Variants in CPSF6 observed in about 807,000 individuals in gnomAD.
The protein encoded by CPSF6 is cleavage and polyadenylation specificity factor subunit 6.
A neutral mutation model predicts 56.7 loss-of-function variants in CPSF6; 10 were observed. The ratio of observed to expected loss-of-function variants is 0.18; its 90% CI spans 0.11 to 0.30. The LOEUF (loss-of-function observed/expected upper bound fraction) is 0.30. CPSF6 is among the 10% of genes least tolerant of loss of function. CPSF6 has a pLI of 1.00. For missense variants in CPSF6, 419 were observed against 722.9 expected, an observed-to-expected ratio of 0.58 and a Z score of 4.82; for synonymous variants, 248 against 244.8, an observed-to-expected ratio of 1.01 and a Z score of -0.12.
chr12:69,252,821 G>C (rs1343484176), intron 2 of CPSF6, among the ~76,000 whole-genome samples: 1 of 152,124 alleles, frequency 6.6e-6, no homozygotes, highest in East Asian at 1.9e-4. Flanking sequence ...GTAACCCCAA[G>C]GGTATATACC....
intron 1 of CPSF6, among the ~76,000 whole-genome samples, chr12:69,244,866 T>C (rs182088898): frequency 3.0e-4 from 45 of 152,258 alleles, no homozygotes; most frequent in Admixed American, 1.3e-3. Context: ...ATAACTGCCT[T>C]CTTCTGTAAT....
At chr12:69,257,511 T>TA (rs1872561889) in intron 4 of CPSF6, among the ~76,000 whole-genome samples, 1 of 152,204 alleles carries the variant, frequency 6.6e-6, no homozygotes, top group Middle Eastern at 3.2e-3. Context: ...AACTCACGAT[T>TA]ACCTATGGAA....
chr12:69,249,385 C>T (rs750788349), intron 1 of CPSF6, among the ~76,000 whole-genome samples: 2 of 150,822 alleles, frequency 1.3e-5, no homozygotes, highest in Admixed American at 1.3e-4. Flanking sequence ...TATCTTGTTG[C>T]TCTGTTTACC....
intron 1 of CPSF6, among the ~76,000 whole-genome samples, chr12:69,247,258 A>G (rs1204558634): frequency 6.6e-6 from 1 of 152,110 alleles, no homozygotes; most frequent in East Asian, 1.9e-4. Flanking sequence ...GGCAACAGAT[A>G]TTTGTATATC....
At chr12:69,246,944 C>T (rs1871938549) in intron 1 of CPSF6, among the ~76,000 whole-genome samples, 1 of 151,646 alleles carries the variant, frequency 6.6e-6, no homozygotes, top group African/African-American at 2.4e-5. Context: ...GATTAACAGG[C>T]ATGAACCACC....
At chr12:69,261,970 C>T (rs1253102531) in intron 8 of CPSF6, among the ~76,000 whole-genome samples, 5 of 152,038 alleles carry the variant, frequency 3.3e-5, no homozygotes, top group African/African-American at 1.2e-4. Context: ...TATTTAAGCC[C>T]CATTGTGTGT....
At chr12:69,262,155 C>G (rs1430062776) in intron 8 of CPSF6, among the ~76,000 whole-genome samples, 1 of 152,036 alleles carries the variant, frequency 6.6e-6, no homozygotes, top group Non-Finnish European at 1.5e-5. Context: ...TGTGATGTGT[C>G]TGGTTGCTGA....
intron 1 of CPSF6, among the ~76,000 whole-genome samples, chr12:69,242,970 T>C (rs1395272852): frequency 6.6e-6 from 1 of 151,978 alleles, no homozygotes; most frequent in Non-Finnish European, 1.5e-5. Flanking sequence ...TGGCCGAGTA[T>C]GGTGGTGCCT....
At chr12:69,241,012 T>C (rs1050778595) in intron 1 of CPSF6, among the ~76,000 whole-genome samples, 1 of 152,220 alleles carries the variant, frequency 6.6e-6, no homozygotes, top group African/African-American at 2.4e-5. Context: ...TTTTCCCACC[T>C]CCATTAACCA....
In CPSF6 at chr12:69,274,081, A is replaced by C. The variant is rs1168575898; in HGVS notation, c.*4573A>C. The C allele has an allele frequency of 1.3e-5, 2 of 150,194 alleles. No individual in the cohort carries two copies. Among genetic ancestry groups the C allele is most frequent in the Admixed American group, 6.6e-5 (1 of 15,078 alleles). 9.3% of individuals were successfully genotyped at this position (150,194 alleles called of 1,614,324 possible). A position where few individuals can be genotyped will look rare whatever the true frequency, so the allele number is the denominator to read the frequency against. On this transcript the variant is annotated 3_prime_UTR_variant, in exon 10 of 10. Transcript: ENST00000435070. ...CTTCACAATAAGATTTCTGTGCAAAAAGGTAAGGTGATAATTGATCTAATA... is the reference window on the plus strand; with the variant it reads ...CTTCACAATAAGATTTCTGTGCAAACAGGTAAGGTGATAATTGATCTAATA...
intron 9 of CPSF6, among the ~76,000 whole-genome samples, chr12:69,263,368 G>A (rs1872832964): frequency 6.6e-6 from 1 of 151,976 alleles, no homozygotes; most frequent in South Asian, 2.1e-4. Context: ...TTTTCATGAA[G>A]TGGGAAGAGT....
intron 1 of CPSF6, among the ~76,000 whole-genome samples, chr12:69,249,637 A>T (rs1326355251): frequency 6.6e-6 from 1 of 152,210 alleles, no homozygotes; most frequent in Non-Finnish European, 1.5e-5. Flanking sequence ...ACAAGTACTT[A>T]GTTGTGGAAA....
intron 9 of CPSF6, among the ~76,000 whole-genome samples, chr12:69,262,893 A>AT (rs1320884021): frequency 6.6e-6 from 1 of 152,202 alleles, no homozygotes; most frequent in African/African-American, 2.4e-5. Flanking sequence ...CATAGGTTGC[A>AT]TGCAATTTAA....
rs953455432 is a variant in CPSF6 at position 69,258,373 on chromosome 12, G to A, written c.695-217G>A. Among the ~76,000 whole-genome samples the A allele has an allele frequency of 2.0e-5, 3 of 152,056 alleles. No homozygotes were observed. The highest frequency in any genetic ancestry group is 4.4e-5 in the Non-Finnish European group (3 of 67,988). ...GTAATATTTTTTTATTAAAGTTTTC[G>A]TTTCAATAATTTTTCTTAAGCATAA... On this transcript the variant is annotated intron_variant, in intron 5 of 9. Transcript: ENST00000435070. This position sits in a 1 kb window ranked among gnomAD's most constrained non-coding sequence, Gnocchi z 4.2.
At chr12:69,267,366 T>C (rs1873041811) in intron 9 of CPSF6, among the ~76,000 whole-genome samples, 1 of 152,016 alleles carries the variant, frequency 6.6e-6, no homozygotes, top group Non-Finnish European at 1.5e-5. Flanking sequence ...GTGCTCACTT[T>C]AGTTTACAGA....
chr12:69,257,940 T>C, intron 5 of CPSF6, 35 bp downstream of exon 5: 1 of 1,593,366 alleles, frequency 6.3e-7, no homozygotes, highest in South Asian at 1.1e-5. Flanking sequence ...GGATAAAACA[T>C]GTCTACCTAA....
chr12:69,250,655 GT>G (rs71091600), intron 1 of CPSF6, among the ~76,000 whole-genome samples: 110,267 of 145,296 alleles, frequency 0.76, 42,368 homozygotes, highest in African/African-American at 0.9. Flanking sequence ...TTGTTTTTTT[GT>G]TTTTTTTTGA....
chr12:69,242,611 C>T (rs1174098700), intron 1 of CPSF6, among the ~76,000 whole-genome samples: 2 of 152,138 alleles, frequency 1.3e-5, no homozygotes, highest in Non-Finnish European at 1.5e-5. Context: ...CTTTGGATGT[C>T]ACCAAGCTGA....
rs567506001 is a variant in CPSF6, at chr12:69,250,710, G to A, written c.61-419G>A. Among the ~76,000 whole-genome samples, 14 of 151,154 alleles carry A rather than the reference G, an allele frequency of 9.3e-5. No homozygotes were observed. In the East Asian group the frequency reaches 1.9e-3, roughly 21 times the overall value. ...CGCCCAGGCTGGAGTGCAATGGCAC[G>A]ATCTTGGCTCACTACAACCTCCGCC... is the stretch of plus-strand genomic sequence containing the variant. On this transcript the variant is annotated intron_variant, in intron 1 of 9. Coordinates refer to ENST00000435070, the MANE Select transcript of CPSF6 (RefSeq NM_007007.3).
Sources: gnomAD v4.1 joint callset for allele counts (sites outside exome capture counted in the v4.1 genomes callset) on GRCh38, gnomAD v4.1.1 for gene constraint, Gnocchi (gnomAD v3.1) non-coding constraint, MANE v1.5 for transcripts, NCBI Gene and HGNC (gene_info 2026-07-23, HGNC 2026-07-21) for gene names.